EZH2: variants seen among roughly 807,000 people sequenced by gnomAD.
EZH2 encodes histone-lysine N-methyltransferase EZH2.
In EZH2, 18 loss-of-function variants were observed where a neutral mutation model predicts 98.4. That is an observed-to-expected ratio of 0.18 (90% CI 0.13 to 0.27). EZH2 has a LOEUF of 0.27. Ranked by LOEUF, EZH2 falls within the 10% of genes least tolerant of loss-of-function variation. EZH2 has a pLI of 1.00. For synonymous variants in EZH2, 338 were observed against 312.3 expected (o/e 1.08, Z -0.87); for missense variants, 470 against 935.1 (o/e 0.50, Z 6.49).
chr7:148,859,141 T>C (rs1253329858), intron 1 of EZH2, among the ~76,000 whole-genome samples: 1 of 152,212 alleles, frequency 6.6e-6, no homozygotes, highest in Non-Finnish European at 1.5e-5. Context: ...CAATAGAAAC[T>C]GAAGACTTAG....
At chr7:148,876,326 G>C (rs2129494060) in intron 1 of EZH2, 1 of 152,042 alleles carries the variant, frequency 6.6e-6, no homozygotes, top group Admixed American at 6.6e-5. Flanking sequence ...GACTGTAAAA[G>C]AGGATGAAAG....
intron 15 of EZH2, among the ~76,000 whole-genome samples, chr7:148,812,837 A>AAAAAGAC (rs1803478404): frequency 6.6e-6 from 1 of 152,236 alleles, no homozygotes; most frequent in Non-Finnish European, 1.5e-5. Flanking sequence ...ACAGAAAAGA[A>AAAAAGAC]AAAAGTCAAA....
At chr7:148,823,343 T>TA (rs1416796899) in intron 8 of EZH2, among the ~76,000 whole-genome samples, 1 of 152,202 alleles carries the variant, frequency 6.6e-6, no homozygotes, top group East Asian at 1.9e-4. Flanking sequence ...TGGTCACCAT[T>TA]AGAGACCAGT....
intron 1 of EZH2, among the ~76,000 whole-genome samples, chr7:148,865,081 C>T (rs1259982001): frequency 6.7e-6 from 1 of 150,092 alleles, no homozygotes; most frequent in Non-Finnish European, 1.5e-5. Context: ...AAGCTGAGAT[C>T]GCGCCACTGC....
intron 1 of EZH2, among the ~76,000 whole-genome samples, chr7:148,860,882 A>G (rs1391273747): frequency 6.6e-6 from 1 of 152,048 alleles, no homozygotes; most frequent in East Asian, 1.9e-4. Flanking sequence ...CATGTTGCCC[A>G]GGCTGGTCTT....
intron 3 of EZH2, among the ~76,000 whole-genome samples, chr7:148,837,717 A>G (rs927019337): frequency 2.6e-5 from 4 of 152,236 alleles, no homozygotes; most frequent in African/African-American, 9.6e-5. Context: ...AAAAGAAATG[A>G]GTCGCTCCAA....
Position 148,810,476 on chromosome 7 carries a change from C to A in EZH2, c.1948-62G>T, listed in dbSNP as rs919142502. On this transcript the variant is annotated intron_variant, in intron 16 of 19. Transcript: ENST00000320356. Reference sequence around the variant, plus strand: ...AAAGGTGATCAAGCCTGACAGAACACACAAAAGCGCACAGAGTGAATACTG... The same window carrying A: ...AAAGGTGATCAAGCCTGACAGAACAAACAAAAGCGCACAGAGTGAATACTG... 4.5e-6 allele frequency: 5 copies of A among 1,100,388 alleles called. No individual in the cohort carries two copies. In the Admixed American group the frequency reaches 8.7e-5, roughly 19 times the overall value. 68.2% of individuals were successfully genotyped at this position (1,100,388 alleles called of 1,614,324 possible).
In EZH2 at chr7:148,828,720, A is replaced by G. The variant is rs1249590943; in HGVS notation, c.625+20T>C. ...AAGAAAGCTGTAATGGCTACACAGA[A>G]TCCTAATAATCAGGCATACCATCTC... On this transcript the variant is annotated intron_variant, in intron 6 of 19. Transcript: ENST00000320356. 6.2e-7 allele frequency: 1 copy of G among 1,608,186 alleles called. No homozygotes were observed. The highest frequency in any genetic ancestry group is 8.5e-7 in the Non-Finnish European group (1 of 1,178,742).
At chr7:148,872,476 T>C (rs544956792) in intron 1 of EZH2, among the ~76,000 whole-genome samples, 1 of 152,322 alleles carries the variant, frequency 6.6e-6, no homozygotes, top group Non-Finnish European at 1.5e-5. Flanking sequence ...ACATGATTAA[T>C]TTACTATGGG....
chr7:148,816,915 G>A (rs1804714725), intron 11 of EZH2, 137 bp from the exon 12 acceptor site: 1 of 660,612 alleles, frequency 1.5e-6, no homozygotes, highest in Non-Finnish European at 2.7e-6. Flanking sequence ...ACACATCGCT[G>A]TCCCTACCCT....
In EZH2 at chr7:148,866,209, C is replaced by T. The variant is rs187576392; in HGVS notation, c.-8+17955G>A. ...TTTCAAACCCTTCAAGTACTATTTA[C>T]TTAATAATTGATGAGACTTGTCAGT... is the stretch of plus-strand genomic sequence containing the variant. On this transcript the variant is annotated intron_variant, in intron 1 of 19. Transcript: ENST00000320356. 3.6e-3 allele frequency among the ~76,000 whole-genome samples: 547 copies of T among 152,202 alleles called. 2 individuals carry two copies. Among genetic ancestry groups the T allele is most frequent in the African/African-American group, 0.013 (529 of 41,526 alleles).
intron 1 of EZH2, among the ~76,000 whole-genome samples, chr7:148,862,923 G>GTTTTGTT (rs111837005): frequency 3.0e-4 from 45 of 150,832 alleles, no homozygotes; most frequent in African/African-American, 7.1e-4. Flanking sequence ...GTTTTGTTTT[G>GTTTTGTT]TTTTTTTAAA....
intron 8 of EZH2, among the ~76,000 whole-genome samples, chr7:148,822,642 A>G (rs1806480230): frequency 6.6e-6 from 1 of 151,706 alleles, no homozygotes; most frequent in Non-Finnish European, 1.5e-5. Flanking sequence ...AAGATCTATG[A>G]GACCAAGAAT....
At chr7:148,845,007 G>A (rs147491989) in intron 3 of EZH2, among the ~76,000 whole-genome samples, 47 of 152,066 alleles carry the variant, frequency 3.1e-4, no homozygotes, top group African/African-American at 1.1e-3. Flanking sequence ...GATTAAAAGA[G>A]GTAATGTGTA....
intron 3 of EZH2, among the ~76,000 whole-genome samples, chr7:148,840,394 A>G (rs1812114458): frequency 6.6e-6 from 1 of 151,686 alleles, no homozygotes; most frequent in Non-Finnish European, 1.5e-5. Context: ...CCCAAAATGG[A>G]AAGGATGTAT....
intron 1 of EZH2, among the ~76,000 whole-genome samples, chr7:148,879,708 TAATA>T (rs765482705): frequency 5.9e-5 from 9 of 151,418 alleles, no homozygotes; most frequent in Non-Finnish European, 8.8e-5. Context: ...AAATAATAAA[TAATA>T]AATAAATAAA....
At chr7:148,866,634 A>G (rs1198826902) in intron 1 of EZH2, among the ~76,000 whole-genome samples, 2 of 146,832 alleles carry the variant, frequency 1.4e-5, no homozygotes, top group South Asian at 2.1e-4. Flanking sequence ...ATATGTATAT[A>G]TACATATACA....
In EZH2 at chr7:148,807,636, G is replaced by A. The variant is rs1284594674; in HGVS notation, c.*10C>T. 6.3e-7 allele frequency: 1 copy of A among 1,591,016 alleles called. No individual in the cohort carries two copies. Among genetic ancestry groups the A allele is most frequent in the Non-Finnish European group, 8.6e-7 (1 of 1,167,382 alleles). On this transcript the variant is annotated 3_prime_UTR_variant, in exon 20 of 20. Coordinates refer to ENST00000320356, the MANE Select transcript of EZH2 (RefSeq NM_004456.5). ...GCTGTTTCAGAGGAGGGGGGAGGAG[G>A]TAGCAGATGTCAAGGGATTTCCATT...
chr7:148,874,362 T>C (rs1819882389), intron 1 of EZH2, among the ~76,000 whole-genome samples: 1 of 151,892 alleles, frequency 6.6e-6, no homozygotes, highest in South Asian at 2.1e-4. Flanking sequence ...AAATCCAGGC[T>C]GGGTGACAGA....
Sources: allele counts gnomAD v4.1 joint callset (sites outside exome capture counted in the v4.1 genomes callset), GRCh38; gene constraint gnomAD v4.1.1; transcripts MANE v1.5; gene names NCBI Gene and HGNC (gene_info 2026-07-23, HGNC 2026-07-21).